ASCC3: variants seen among roughly 807,000 people sequenced by gnomAD.
The protein encoded by ASCC3 is ASC-1 complex subunit P200.
ASCC3 carries 158 observed loss-of-function variants against 256.3 expected under a neutral mutation model. The ratio of observed to expected loss-of-function variants is 0.62; its 90% CI spans 0.54 to 0.70. The LOEUF (loss-of-function observed/expected upper bound fraction) is 0.70. Among genes scored for constraint, ASCC3 ranks in the 30% least tolerant of loss-of-function variants. The pLI is 0.00. For synonymous variants in ASCC3, 948 were observed against 883.4 expected (o/e 1.07, Z -1.30); for missense variants, 2,259 against 2,626.0 (o/e 0.86, Z 3.05).
At chr6:100,607,139 T>C (rs1772935454) in intron 30 of ASCC3, 51 bp from the exon 31 acceptor site, 1 of 1,574,344 alleles carries the variant, frequency 6.4e-7, no homozygotes, top group Non-Finnish European at 8.7e-7. Flanking sequence ...TTTAAAATTT[T>C]CATTAATTTT....
At chr6:100,699,457 T>C (rs1778246184) in intron 13 of ASCC3, among the ~76,000 whole-genome samples, 1 of 152,150 alleles carries the variant, frequency 6.6e-6, no homozygotes, top group African/African-American at 2.4e-5. Flanking sequence ...GTGAAACCTC[T>C]TTTTTTGTAA....
intron 14 of ASCC3, among the ~76,000 whole-genome samples, chr6:100,671,837 C>T (rs1365414943): frequency 2.0e-5 from 3 of 151,994 alleles, no homozygotes; most frequent in Non-Finnish European, 4.4e-5. Flanking sequence ...AACACAAATA[C>T]ATGATTAAAT....
At chr6:100,699,618 G>C (rs1350580685) in intron 13 of ASCC3, among the ~76,000 whole-genome samples, 2 of 152,110 alleles carry the variant, frequency 1.3e-5, no homozygotes, top group Non-Finnish European at 2.9e-5. Flanking sequence ...AGAACAGTTT[G>C]GTGGGTACAG....
At chr6:100,859,713 T>G (rs547220394) in intron 3 of ASCC3, among the ~76,000 whole-genome samples, 3 of 152,026 alleles carry the variant, frequency 2.0e-5, no homozygotes, top group South Asian at 2.1e-4. Context: ...ACCTTTTGAT[T>G]CATAGTTTTC....
At chr6:100,816,642 T>C (rs1054184790) in intron 4 of ASCC3, among the ~76,000 whole-genome samples, 1 of 152,114 alleles carries the variant, frequency 6.6e-6, no homozygotes, top group Admixed American at 6.5e-5. Flanking sequence ...TTTAGCAAAC[T>C]AGCACACCAA....
chr6:100,577,730 ACACC>A (rs1316733584), intron 36 of ASCC3, among the ~76,000 whole-genome samples: 24 of 150,866 alleles, frequency 1.6e-4, no homozygotes, highest in African/African-American at 4.2e-4. Flanking sequence ...GAACACACAC[ACACC>A]CACCCACCCA....
At chr6:100,538,897 GTA>G in intron 37 of ASCC3, among the ~76,000 whole-genome samples, 1 of 151,954 alleles carries the variant, frequency 6.6e-6, no homozygotes, top group East Asian at 1.9e-4. Flanking sequence ...TCCAAAAAAG[GTA>G]TAAAGTAGAA....
chr6:100,817,280 A>G (rs1218744198), intron 4 of ASCC3, among the ~76,000 whole-genome samples: 2 of 151,968 alleles, frequency 1.3e-5, no homozygotes, highest in Admixed American at 6.6e-5. Context: ...TAGCTAAAGC[A>G]GTGAAAAGGG....
intron 13 of ASCC3, among the ~76,000 whole-genome samples, chr6:100,698,120 A>G (rs1379045332): frequency 1.3e-5 from 2 of 152,114 alleles, no homozygotes; most frequent in Non-Finnish European, 2.9e-5. Context: ...CACTTCAAAG[A>G]TAGGAGTATT....
intron 8 of ASCC3, among the ~76,000 whole-genome samples, chr6:100,795,552 G>C (rs1234063365): frequency 1.3e-5 from 2 of 152,038 alleles, no homozygotes; most frequent in Non-Finnish European, 2.9e-5. Flanking sequence ...AGATTTCTAA[G>C]AGTTCCAACT....
intron 4 of ASCC3, among the ~76,000 whole-genome samples, chr6:100,842,024 G>C (rs985417502): frequency 6.6e-6 from 1 of 152,132 alleles, no homozygotes; most frequent in Admixed American, 6.6e-5. Flanking sequence ...TTTCAATTCA[G>C]GCAGCAGGGT....
intron 14 of ASCC3, among the ~76,000 whole-genome samples, chr6:100,678,657 T>C: frequency 6.6e-6 from 1 of 152,032 alleles, no homozygotes; most frequent in South Asian, 2.1e-4. Context: ...TATATATATA[T>C]AAAATTTAAA....
At chr6:100,728,991 A>G (rs1192179551) in intron 10 of ASCC3, among the ~76,000 whole-genome samples, 1 of 152,192 alleles carries the variant, frequency 6.6e-6, no homozygotes, top group Admixed American at 6.6e-5. Context: ...CACTAGACAC[A>G]GTATATACAT....
intron 4 of ASCC3, among the ~76,000 whole-genome samples, chr6:100,842,717 T>A (rs1772205136): frequency 1.3e-5 from 2 of 152,150 alleles, no homozygotes; most frequent in African/African-American, 4.8e-5. Context: ...ATGCCTGCAA[T>A]CCCTGCACTT....
chr6:100,586,319 T>C (rs1314428696), intron 36 of ASCC3, among the ~76,000 whole-genome samples: 2 of 152,180 alleles, frequency 1.3e-5, no homozygotes, highest in Non-Finnish European at 2.9e-5. Flanking sequence ...TGCTGCCGCC[T>C]TGCAGTTTGA....
intron 36 of ASCC3, among the ~76,000 whole-genome samples, chr6:100,577,742 CCA>C (rs139409330): frequency 2.0e-3 from 304 of 149,370 alleles, no homozygotes; most frequent in African/African-American, 6.1e-3. Context: ...ACCCACCCAC[CCA>C]CACACACACA....
chr6:100,562,856 T>C (rs376221200), intron 36 of ASCC3, among the ~76,000 whole-genome samples: 25 of 152,174 alleles, frequency 1.6e-4, no homozygotes, highest in East Asian at 1.4e-3. Context: ...ATGAAGACTG[T>C]TTAGCAGTGT....
chr6:100,591,722 T>A (rs912440662), intron 34 of ASCC3, among the ~76,000 whole-genome samples: 2 of 151,980 alleles, frequency 1.3e-5, no homozygotes, highest in African/African-American at 4.8e-5. Flanking sequence ...TACTGTGAAA[T>A]ACAAAAAAAT....
At chr6:100,878,547 A>T (rs1769101966) in intron 1 of ASCC3, among the ~76,000 whole-genome samples, 2 of 152,262 alleles carry the variant, frequency 1.3e-5, no homozygotes, top group Non-Finnish European at 2.9e-5. Flanking sequence ...TCCCACAAAG[A>T]TGAAACGAGC....
Sources: allele counts gnomAD v4.1 joint callset (sites outside exome capture counted in the v4.1 genomes callset), GRCh38; gene constraint gnomAD v4.1.1; transcripts MANE v1.5; gene names NCBI Gene and HGNC (gene_info 2026-07-23, HGNC 2026-07-21).